The following COG8 variants were observed in gnomAD, a reference collection of about 807,000 sequenced individuals.
The protein encoded by COG8 is component of oligomeric golgi complex 8.
COG8 carries 45 observed loss-of-function variants against 46.5 expected under a neutral mutation model. The ratio of observed to expected loss-of-function variants is 0.97; its 90% CI spans 0.76 to 1.24. The LOEUF (loss-of-function observed/expected upper bound fraction) is 1.24, where lower values mean the gene tolerates loss of function less well. Among genes scored for constraint, COG8 ranks in the 50% most tolerant of loss-of-function variants. The pLI is 0.00. For missense variants in COG8, 793 were observed against 820.8 expected, an observed-to-expected ratio of 0.97 and a Z score of 0.41; for synonymous variants, 407 against 347.8, an observed-to-expected ratio of 1.17 and a Z score of -1.90.
chr16:69,335,741 G>C (rs71397911), intron 2 of COG8, among the ~76,000 whole-genome samples: 1 of 151,672 alleles, frequency 6.6e-6, no homozygotes, highest in African/African-American at 2.4e-5. Flanking sequence ...ACTTGAACCC[G>C]GGAGATAAAG....
At chr16:69,330,439 C>A (rs1440854884) in intron 5 of COG8, 2 of 1,474,058 alleles carry the variant, frequency 1.4e-6, no homozygotes. Context: ...AGGAGCGCCG[C>A]AGCGCCGGGC....
In COG8 at chr16:69,336,599, G is replaced by C. The variant is rs764627647; in HGVS notation, c.491C>G (p.Thr164Ser). The C allele has an allele frequency of 2.5e-6, 4 of 1,614,198 alleles. No homozygotes were observed. In the Admixed American group the frequency reaches 6.7e-5, roughly 27 times the overall value. ...TTCATAATAACTGTTCCGGACACAG[G>C]TGTCCATGAGCTGAGGAATCTCCAG... ...EILEIPQLMDTCVRNSYYEEA... is the reference protein window; with the variant it reads ...EILEIPQLMDSCVRNSYYEEA... The change falls in exon 2 of 6, where the codon ACC becomes AGC. Residue 164 changes from threonine (T) to serine (S), a missense_variant. Physicochemically the swap from Thr to Ser is moderately conservative, Grantham distance 58. Coordinates refer to ENST00000306875, the MANE Select transcript of COG8 (RefSeq NM_032382.5).
At chr16:69,329,941 T>C in intron 5 of COG8, 2 of 1,461,892 alleles carry the variant, frequency 1.4e-6, no homozygotes, top group Admixed American at 5.2e-5. Flanking sequence ...TCTCGCGGAG[T>C]CGGGCAGAAG....
chr16:69,332,108 C>T (rs1002450664), intron 4 of COG8, among the ~76,000 whole-genome samples: 1 of 152,078 alleles, frequency 6.6e-6, no homozygotes, highest in East Asian at 1.9e-4. Context: ...AATCCGAGCA[C>T]TTTGGGAGGC....
Position 69,336,798 on chromosome 16 carries a change from G to A in COG8, c.378-86C>T. The A allele has an allele frequency of 4.3e-6, 5 of 1,152,868 alleles. No individual in the cohort carries two copies. The East Asian group carries it at 9.6e-5, about 22-fold the overall frequency. The allele number at this position is 1,152,868 out of a possible 1,614,324, so 71.4% of individuals were successfully genotyped here. On this transcript the variant is annotated intron_variant, in intron 1 of 5. Transcript: ENST00000306875. ...TTACCAAGTACCTGCTATGAACATT[G>A]GGCTGGATGATCTATCTGATTTATT...
intron 5 of COG8, 34 bp downstream of exon 5, chr16:69,330,779 G>A: frequency 6.7e-7 from 1 of 1,496,170 alleles, no homozygotes; most frequent in South Asian, 1.3e-5. Context: ...GGGCGAGGCA[G>A]TCCTGGCCAC....
chr16:69,330,066 G>A, intron 5 of COG8: 1 of 1,561,374 alleles, frequency 6.4e-7, no homozygotes, highest in Non-Finnish European at 8.7e-7. Context: ...CAGCCCTCGG[G>A]AAAGGTGACC....
At position 69,330,775 on chromosome 16, in the gene COG8, G is replaced by C. The variant is rs1025389420; in HGVS notation, c.*26+38C>G. 5 of 1,482,134 alleles carry C rather than the reference G, an allele frequency of 3.4e-6. No homozygotes were observed. In the Admixed American group the frequency reaches 1.2e-4, roughly 35 times the overall value. 91.8% of individuals were successfully genotyped at this position (1,482,134 alleles called of 1,614,324 possible). ...ACCCGCCCCGGACCTTCCAGGGCGAGGCAGTCCTGGCCACCCCGCGCCGGG... is the reference window on the plus strand; with the variant it reads ...ACCCGCCCCGGACCTTCCAGGGCGACGCAGTCCTGGCCACCCCGCGCCGGG... On this transcript the variant is annotated intron_variant, in intron 5 of 5. Coordinates refer to ENST00000306875, the MANE Select transcript of COG8 (RefSeq NM_032382.5).
chr16:69,338,319 TCCCA>T (rs2012320099), intron 1 of COG8: 1 of 152,110 alleles, frequency 6.6e-6, no homozygotes, highest in East Asian at 1.9e-4. Flanking sequence ...AGCCTCAGGC[TCCCA>T]AAGTGCTGGG....
chr16:69,336,192 CCT>C (rs552167702), intron 2 of COG8, among the ~76,000 whole-genome samples: 145 of 152,258 alleles, frequency 9.5e-4, no homozygotes, highest in African/African-American at 2.8e-3. Context: ...TACCCCATTC[CCT>C]GTTTTTTTCT....
Position 69,334,851 on chromosome 16 carries a change from A to T in COG8, c.1083T>A (p.Ala361=). Residue 361 remains alanine, a synonymous_variant, in exon 3 of 6, where the codon GCT becomes GCA. Transcript: ENST00000306875. ...YFGLSFSRVG[A]DFRGQLAPVF... Reference sequence around the variant, plus strand: ...CAGGAGCCAACTGACCCCGGAAATCAGCTCCCACCCGGCTGAAGGACAGCC... The same window carrying T: ...CAGGAGCCAACTGACCCCGGAAATCTGCTCCCACCCGGCTGAAGGACAGCC... The T allele has an allele frequency of 1.2e-6, 2 of 1,614,170 alleles. No individual in the cohort carries two copies. Among genetic ancestry groups the T allele is most frequent in the Non-Finnish European group, 1.7e-6 (2 of 1,180,032 alleles).
intron 2 of COG8, 116 bp downstream of exon 2, chr16:69,336,389 G>T: frequency 1.1e-6 from 1 of 901,632 alleles, no homozygotes; most frequent in Non-Finnish European, 1.7e-6. Flanking sequence ...GGCATACCTG[G>T]CTGGCAGAAA....
chr16:69,334,011 G>T (rs575228893), intron 3 of COG8, among the ~76,000 whole-genome samples: 5 of 152,276 alleles, frequency 3.3e-5, no homozygotes, highest in Admixed American at 6.5e-5. Context: ...CAGCCATGTT[G>T]TCAGCTGCCT....
In COG8 at chr16:69,335,120, T is replaced by C; in HGVS notation, c.814A>G (p.Thr272Ala). 6.2e-7 allele frequency: 1 copy of C among 1,614,108 alleles called. No homozygotes were observed. Among genetic ancestry groups the C allele is most frequent in the Non-Finnish European group, 8.5e-7 (1 of 1,180,018 alleles). Residue 272 changes from threonine (T) to alanine (A), a missense_variant, in exon 3 of 6, where the codon ACA becomes GCA. Physicochemically the swap from Thr to Ala is moderately conservative, Grantham distance 58. Coordinates refer to ENST00000306875, the MANE Select transcript of COG8 (RefSeq NM_032382.5). ...IPNDDPYFHI[T>A]KTIEASRVHL... ...ACACGGGAGGCCTCGATGGTTTTTG[T>C]AATATGGAAATAGGGATCATCATTA...
At chr16:69,332,204 G>A (rs1248823974) in intron 4 of COG8, among the ~76,000 whole-genome samples, 3 of 152,174 alleles carry the variant, frequency 2.0e-5, no homozygotes, top group Admixed American at 6.5e-5. Flanking sequence ...ACAAAAATTA[G>A]CTGGGCGTGG....
At position 69,335,002 on chromosome 16, in the gene COG8, T is replaced by C. The variant is rs746540054; in HGVS notation, c.932A>G (p.Glu311Gly). ...CACCCAGCCATGGAAGATGGCACTCTCATTCACAGTGTGCTCACCCATGGC... is the reference window on the plus strand; with the variant it reads ...CACCCAGCCATGGAAGATGGCACTCCCATTCACAGTGTGCTCACCCATGGC... ...PPAMGEHTVN[E>G]SAIFHGWVLQ... The change falls in exon 3 of 6, where the codon GAG (glutamate) becomes GGG (glycine). Residue 311 changes from glutamate to glycine, a missense_variant. By Grantham distance (98) the Glu-to-Gly change is moderately conservative (BLOSUM62 -2). Transcript: ENST00000306875. 1.2e-5 allele frequency: 19 copies of C among 1,614,048 alleles called. No individual in the cohort carries two copies. The highest frequency in any genetic ancestry group is 2.7e-5 in the African/African-American group (2 of 74,930).
In COG8 at chr16:69,332,772, C is replaced by T. The variant is rs376659578; in HGVS notation, c.1524G>A (p.Pro508=). ...GGACTTGGAGACAGCGATTTAAATA[C>T]GGAACAAGGTCTTCCAGGAAGACAG... is the stretch of plus-strand genomic sequence containing the variant. The part of the protein sequence containing the change: ...FCTVFLEDLV[P]YLNRCLQVLF... Residue 508 remains proline (P), a synonymous_variant, in exon 4 of 6, where the codon CCG becomes CCA. Coordinates refer to ENST00000306875, the MANE Select transcript of COG8 (RefSeq NM_032382.5). 13 of 1,614,060 alleles carry T rather than the reference C, an allele frequency of 8.1e-6. No homozygotes were observed. The highest frequency in any genetic ancestry group is 6.7e-5 in the East Asian group (3 of 44,908).
At chr16:69,333,160 G>GT (rs2011990245) in intron 3 of COG8, among the ~76,000 whole-genome samples, 1 of 146,312 alleles carries the variant, frequency 6.8e-6, no homozygotes, top group Non-Finnish European at 1.5e-5. Context: ...AGAATACATG[G>GT]TTTTGGTTTT....
At chr16:69,332,576 G>C (rs2011946267) in intron 4 of COG8, 138 bp downstream of exon 4, 3 of 875,862 alleles carry the variant, frequency 3.4e-6, no homozygotes, top group South Asian at 1.4e-5. Context: ...GTGCATGAAG[G>C]ATCTTTTTGG....
Sources: gnomAD v4.1 joint callset for allele counts (sites outside exome capture counted in the v4.1 genomes callset) on GRCh38, gnomAD v4.1.1 for gene constraint, MANE v1.5 for transcripts, NCBI Gene and HGNC (gene_info 2026-07-23, HGNC 2026-07-21) for gene names.